Variants in ARHGAP20 observed in about 807,000 individuals in gnomAD.
ARHGAP20 encodes the protein Rho GTPase activating protein 20.
In ARHGAP20, 34 loss-of-function variants were observed where a neutral mutation model predicts 73.7. That is an observed-to-expected ratio of 0.46 (90% CI 0.35 to 0.61). ARHGAP20 has a LOEUF of 0.61. Among genes scored for constraint, ARHGAP20 ranks in the 20% least tolerant of loss-of-function variants. The pLI is 0.00. For missense variants in ARHGAP20, 1,314 were observed against 1,420.9 expected (o/e 0.92, Z 1.21); for synonymous variants, 523 against 518.2 (o/e 1.01, Z -0.13).
chr11:110,619,423 GTAGAGTATATGCAGTGA>G (rs1845386011), intron 4 of ARHGAP20, among the ~76,000 whole-genome samples: 3 of 140,442 alleles, frequency 2.1e-5, no homozygotes, highest in Admixed American at 6.9e-5. Flanking sequence ...ATATGCAGTG[GTAGAGTATATGCAGTGA>G]TAGAGTATAT....
chr11:110,685,535 A>G (rs1210753177), intron 2 of ARHGAP20, among the ~76,000 whole-genome samples: 1 of 152,080 alleles, frequency 6.6e-6, no homozygotes, highest in African/African-American at 2.4e-5. Context: ...CTCCTTATGT[A>G]CTCTAAGCAT....
chr11:110,664,420 A>G (rs1170448081), intron 2 of ARHGAP20, among the ~76,000 whole-genome samples: 2 of 152,212 alleles, frequency 1.3e-5, no homozygotes, highest in Non-Finnish European at 2.9e-5. Context: ...CATATAGACA[A>G]CACACATTCA....
chr11:110,688,834 G>A (rs1025712372), intron 2 of ARHGAP20, among the ~76,000 whole-genome samples: 1 of 152,140 alleles, frequency 6.6e-6, no homozygotes, highest in African/African-American at 2.4e-5. Context: ...TCAACCCAAT[G>A]ACTAAAGTGT....
At chr11:110,586,123 G>A in intron 12 of ARHGAP20, 93 bp downstream of exon 12, 2 of 613,508 alleles carry the variant, frequency 3.3e-6, no homozygotes, top group Non-Finnish European at 5.0e-6. Context: ...GGTCCACATG[G>A]ATATGACTTT....
chr11:110,712,529 C>T (rs942491512), upstream of ARHGAP20: 201 of 153,230 alleles, frequency 1.3e-3, 3 homozygotes, highest in Non-Finnish European at 3.5e-4. Flanking sequence ...GCCCCCGCAG[C>T]CCTCCTCAGC....
chr11:110,623,098 T>A (rs1948663499), intron 4 of ARHGAP20, among the ~76,000 whole-genome samples: 1 of 152,152 alleles, frequency 6.6e-6, no homozygotes, highest in Non-Finnish European at 1.5e-5. Flanking sequence ...ATGCTGAGAA[T>A]GAAACAAACA....
At chr11:110,614,747 C>T (rs1293190324) in intron 5 of ARHGAP20, 102 bp from the exon 6 acceptor site, 13 of 728,892 alleles carry the variant, frequency 1.8e-5, no homozygotes, top group Non-Finnish European at 2.9e-5. Context: ...TTCCAATATA[C>T]TTATATGCTA....
chr11:110,708,535 T>C (rs1392940780), intron 1 of ARHGAP20, among the ~76,000 whole-genome samples: 2 of 152,144 alleles, frequency 1.3e-5, no homozygotes, highest in Non-Finnish European at 2.9e-5. Flanking sequence ...AGTCACATGA[T>C]GGAATGCTGC....
At chr11:110,642,120 T>C (rs891634037) in intron 2 of ARHGAP20, among the ~76,000 whole-genome samples, 4 of 152,104 alleles carry the variant, frequency 2.6e-5, no homozygotes, top group Non-Finnish European at 4.4e-5. Flanking sequence ...CTGGATCTTC[T>C]AAAGTTAAAA....
At chr11:110,584,330 T>C (rs900063500) in intron 12 of ARHGAP20, among the ~76,000 whole-genome samples, 2 of 152,084 alleles carry the variant, frequency 1.3e-5, no homozygotes, top group Non-Finnish European at 2.9e-5. Flanking sequence ...GTTCTCATGT[T>C]GTAATTGATA....
chr11:110,613,148 A>AT (rs1180789832), intron 6 of ARHGAP20, among the ~76,000 whole-genome samples: 2 of 152,164 alleles, frequency 1.3e-5, no homozygotes, highest in African/African-American at 2.4e-5. Context: ...TAGAAAGTAT[A>AT]TTTTTTCCTA....
At chr11:110,660,357 C>A (rs1404403692) in intron 2 of ARHGAP20, among the ~76,000 whole-genome samples, 1 of 152,084 alleles carries the variant, frequency 6.6e-6, no homozygotes, top group Non-Finnish European at 1.5e-5. Flanking sequence ...CAGTCACTGG[C>A]CTACAGAAAG....
intron 1 of ARHGAP20, among the ~76,000 whole-genome samples, chr11:110,703,797 C>A (rs1277281600): frequency 6.6e-6 from 1 of 152,100 alleles, no homozygotes; most frequent in East Asian, 1.9e-4. Flanking sequence ...CTTTAAGCAG[C>A]ACCCTGGAGT....
At position 110,624,444 on chromosome 11, in the gene ARHGAP20, T is replaced by C. The variant is rs1429198413; in HGVS notation, c.354-133A>G. On this transcript the variant is annotated intron_variant, in intron 3 of 14. Transcript: ENST00000683387. ...ACCAAATACTGCATGTTCTCACTCATAAGAGTGAGAGCTGAACATTGAGAA... is the reference window on the plus strand; with the variant it reads ...ACCAAATACTGCATGTTCTCACTCACAAGAGTGAGAGCTGAACATTGAGAA... 36 of 652,846 alleles carry C rather than the reference T, an allele frequency of 5.5e-5. No homozygotes were observed. The South Asian group carries it at 6.8e-4, about 12-fold the overall frequency. 40.4% of individuals were successfully genotyped at this position (652,846 alleles called of 1,614,324 possible). A position where few individuals can be genotyped will look rare whatever the true frequency, so the allele number is the denominator to read the frequency against.
chr11:110,630,874 T>A (rs990411415), intron 2 of ARHGAP20, 82 bp from the exon 3 acceptor site: 4 of 1,433,264 alleles, frequency 2.8e-6, no homozygotes, highest in African/African-American at 2.8e-5. Flanking sequence ...TAATTTTTTT[T>A]AATACAATGG....
At chr11:110,599,541 G>C (rs776533002) in intron 9 of ARHGAP20, among the ~76,000 whole-genome samples, 1 of 152,224 alleles carries the variant, frequency 6.6e-6, no homozygotes, top group Non-Finnish European at 1.5e-5. Flanking sequence ...TGGGCAGAAG[G>C]GGGTGAGTCC....
intron 4 of ARHGAP20, among the ~76,000 whole-genome samples, chr11:110,621,579 T>A (rs929409677): frequency 1.2e-4 from 19 of 152,264 alleles, no homozygotes; most frequent in African/African-American, 4.6e-4. Flanking sequence ...ATATTTTAGT[T>A]TTCAGTTCTA....
At chr11:110,699,665 T>C (rs988463719) in intron 1 of ARHGAP20, among the ~76,000 whole-genome samples, 2 of 151,986 alleles carry the variant, frequency 1.3e-5, no homozygotes. Flanking sequence ...ATTTGTCTTT[T>C]CTATTGTTGG....
chr11:110,604,876 C>T (rs1948187904), intron 9 of ARHGAP20, among the ~76,000 whole-genome samples: 1 of 152,128 alleles, frequency 6.6e-6, no homozygotes, highest in Non-Finnish European at 1.5e-5. Context: ...GACAGGCTGG[C>T]TGTGCATGTG....
Sources: allele counts gnomAD v4.1 joint callset (sites outside exome capture counted in the v4.1 genomes callset), GRCh38; gene constraint gnomAD v4.1.1; transcripts MANE v1.5; gene names NCBI Gene and HGNC (gene_info 2026-07-23, HGNC 2026-07-21).